Variants in DPYSL3 observed in about 807,000 individuals in gnomAD.
DPYSL3 encodes the protein dihydropyrimidinase like 3.
A neutral mutation model predicts 66.1 loss-of-function variants in DPYSL3; 16 were observed. The ratio of observed to expected loss-of-function variants is 0.24; its 90% confidence interval spans 0.16 to 0.37. DPYSL3 has a LOEUF of 0.37. DPYSL3 is among the 10% of genes least tolerant of loss of function. The probability of loss-of-function intolerance (pLI) is 1.00; values close to 1 mark genes in which losing one functional copy is unlikely to be tolerated. For missense variants in DPYSL3, 738 were observed against 916.2 expected, an observed-to-expected ratio of 0.81 and a Z score of 2.51; for synonymous variants, 338 against 345.1, an observed-to-expected ratio of 0.98 and a Z score of 0.23.
chr5:147,502,984 T>C (rs1484158424), intron 1 of DPYSL3, among the ~76,000 whole-genome samples: 7 of 152,202 alleles, frequency 4.6e-5, no homozygotes, highest in Admixed American at 2.6e-4. Flanking sequence ...CACATGCATA[T>C]TTGTAAAGAG....
chr5:147,395,867 G>A (rs1264575117), intron 12 of DPYSL3, 146 bp from the exon 13 acceptor site: 4 of 1,029,702 alleles, frequency 3.9e-6, no homozygotes, highest in Non-Finnish European at 5.6e-6. Flanking sequence ...GGGAGAAGTA[G>A]TATAAAATAA....
chr5:147,456,300 G>C (rs1350499298), intron 1 of DPYSL3, among the ~76,000 whole-genome samples: 1 of 152,182 alleles, frequency 6.6e-6, no homozygotes, highest in Non-Finnish European at 1.5e-5. Flanking sequence ...ACAGTAGAAT[G>C]ACTCTGAATG....
intron 1 of DPYSL3, among the ~76,000 whole-genome samples, chr5:147,482,651 G>A (rs552263292): frequency 6.6e-6 from 1 of 152,334 alleles, no homozygotes; most frequent in African/African-American, 2.4e-5. Flanking sequence ...AAGGAAGGTT[G>A]AGAAAGTCTC....
intron 1 of DPYSL3, among the ~76,000 whole-genome samples, chr5:147,476,057 A>G (rs916784534): frequency 3.3e-5 from 5 of 152,142 alleles, no homozygotes; most frequent in African/African-American, 1.2e-4. Flanking sequence ...AAATGAGAAA[A>G]CTGAGGCATA....
At chr5:147,460,831 C>T (rs1283859549) in intron 1 of DPYSL3, among the ~76,000 whole-genome samples, 1 of 152,154 alleles carries the variant, frequency 6.6e-6, no homozygotes, top group Non-Finnish European at 1.5e-5. Flanking sequence ...AAAGCCAGTT[C>T]ATCAGTAGGA....
At chr5:147,494,814 G>A (rs1310949161) in intron 1 of DPYSL3, among the ~76,000 whole-genome samples, 1 of 150,722 alleles carries the variant, frequency 6.6e-6, no homozygotes, top group Non-Finnish European at 1.5e-5. Context: ...GGGAGGCAGA[G>A]CTTGCAGTGA....
chr5:147,483,674 G>C (rs1561802723), intron 1 of DPYSL3, among the ~76,000 whole-genome samples: 1 of 152,154 alleles, frequency 6.6e-6, no homozygotes, highest in Admixed American at 6.5e-5. Flanking sequence ...TGGGAAAGGG[G>C]TTAACAAGTA....
chr5:147,494,751 C>T (rs562940059), intron 1 of DPYSL3, among the ~76,000 whole-genome samples: 4 of 148,812 alleles, frequency 2.7e-5, no homozygotes, highest in South Asian at 4.3e-4. Context: ...TGGTGATAGG[C>T]GCCTGTATTC....
intron 1 of DPYSL3, among the ~76,000 whole-genome samples, chr5:147,430,562 G>A (rs1011611011): frequency 2.0e-5 from 3 of 151,166 alleles, no homozygotes; most frequent in Non-Finnish European, 1.5e-5. Flanking sequence ...GGAAGGAAAG[G>A]AGGGAGAAAA....
chr5:147,471,003 G>GT (rs1303000797), intron 1 of DPYSL3, among the ~76,000 whole-genome samples: 3 of 152,084 alleles, frequency 2.0e-5, no homozygotes, highest in Non-Finnish European at 4.4e-5. Context: ...TGTATCCCCA[G>GT]TGCCCAACAT....
chr5:147,461,667 G>A (rs1752934483), intron 1 of DPYSL3, among the ~76,000 whole-genome samples: 1 of 152,124 alleles, frequency 6.6e-6, no homozygotes, highest in Non-Finnish European at 1.5e-5. Context: ...AATTGACATT[G>A]ATACCCAGAG....
At chr5:147,394,615 G>C (rs1170020060) in intron 13 of DPYSL3, among the ~76,000 whole-genome samples, 1 of 145,810 alleles carries the variant, frequency 6.9e-6, no homozygotes, top group East Asian at 2.1e-4. Context: ...TTCAATGTGT[G>C]CTTGGGTCTA....
Position 147,484,056 on chromosome 5 carries a change from T to A in DPYSL3, c.381+25422A>T, listed in dbSNP as rs1018498618. On this transcript the variant is annotated intron_variant, in intron 1 of 13. Transcript: ENST00000343218. ...TGTCTGTGGCTAATGACCTGTGAAA[T>A]CAGCAGCCCACATAATAAGAAATCT... Among the ~76,000 whole-genome samples the A allele has an allele frequency of 7.2e-5, 11 of 152,156 alleles. 1 individual carries two copies. Among genetic ancestry groups the A allele is most frequent in the African/African-American group, 2.2e-4 (9 of 41,414 alleles).
chr5:147,492,759 G>T (rs1484673699), intron 1 of DPYSL3, among the ~76,000 whole-genome samples: 1 of 151,158 alleles, frequency 6.6e-6, no homozygotes, highest in African/African-American at 2.4e-5. Flanking sequence ...AATTATAGAA[G>T]ACAAAAGTAG....
At chr5:147,495,851 C>T (rs1256930036) in intron 1 of DPYSL3, among the ~76,000 whole-genome samples, 1 of 152,116 alleles carries the variant, frequency 6.6e-6, no homozygotes, top group African/African-American at 2.4e-5. Flanking sequence ...TCAATGGCAT[C>T]CTCATCAAGC....
At position 147,479,925 on chromosome 5, in the gene DPYSL3, T is replaced by C. The variant is rs181055931; in HGVS notation, c.381+29553A>G. ...CATTTAATCCTCCAAAAGAATCTAA[T>C]GATATAGGTATTATCCCCATTGTAC... On this transcript the variant is annotated intron_variant, in intron 1 of 13. Coordinates refer to ENST00000343218, the MANE Select transcript of DPYSL3 (RefSeq NM_001197294.2). 8.4e-4 allele frequency among the ~76,000 whole-genome samples: 128 copies of C among 152,304 alleles called. 1 individual carries two copies. The highest frequency in any genetic ancestry group is 2.9e-3 in the African/African-American group (120 of 41,554).
chr5:147,406,939 C>G (rs1420357182), intron 7 of DPYSL3, among the ~76,000 whole-genome samples: 7 of 152,176 alleles, frequency 4.6e-5, no homozygotes. Flanking sequence ...CCAAGCTGCA[C>G]TTTATTGCAT....
In DPYSL3 at chr5:147,444,599, C is replaced by T. The variant is rs1057049101; in HGVS notation, c.382-19636G>A. ...TACTTTGATTCTCCCATTTTGTCCT[C>T]CCTTTAAAAGGCTCTAGTGATTACC... On this transcript the variant is annotated intron_variant, in intron 1 of 13. Transcript: ENST00000343218. Among the ~76,000 whole-genome samples the T allele has an allele frequency of 2.0e-5, 3 of 152,106 alleles. No individual in the cohort carries two copies. In the South Asian group the frequency reaches 6.2e-4, roughly 32 times the overall value.
At chr5:147,413,750 C>A in intron 4 of DPYSL3, 93 bp from the exon 5 acceptor site, 1 of 1,004,504 alleles carries the variant, frequency 1.0e-6, no homozygotes, top group Non-Finnish European at 1.5e-6. Context: ...GACCATAGCA[C>A]CCAGCTGCAT....
Sources: gnomAD v4.1 joint callset for allele counts (sites outside exome capture counted in the v4.1 genomes callset) on GRCh38, gnomAD v4.1.1 for gene constraint, MANE v1.5 for transcripts, NCBI Gene and HGNC (gene_info 2026-07-23, HGNC 2026-07-21) for gene names.